CNTNAP2: variants seen among roughly 807,000 people sequenced by gnomAD.
CNTNAP2 encodes contactin associated protein 2.
In CNTNAP2, 98 loss-of-function variants were observed where a neutral mutation model predicts 155.2. That is an observed-to-expected ratio of 0.63 (90% CI 0.54 to 0.75). The LOEUF is 0.75. Ranked by LOEUF, CNTNAP2 falls within the 30% of genes least tolerant of loss-of-function variation. The pLI is 0.00. For synonymous variants in CNTNAP2, 651 were observed against 631.2 expected (o/e 1.03, Z -0.47); for missense variants, 1,727 against 1,688.1 (o/e 1.02, Z -0.40).
intron 13 of CNTNAP2, among the ~76,000 whole-genome samples, chr7:147,712,937 AC>A (rs1054654873): frequency 6.6e-6 from 1 of 152,050 alleles, no homozygotes; most frequent in Non-Finnish European, 1.5e-5. Flanking sequence ...CTCTCTGCCC[AC>A]CCTTTTGACA....
At chr7:146,744,129 G>T (rs548768000) in intron 1 of CNTNAP2, among the ~76,000 whole-genome samples, 9 of 149,684 alleles carry the variant, frequency 6.0e-5, no homozygotes, top group Admixed American at 5.4e-4. Context: ...TTGGGAGGCT[G>T]AGGCAGGAGA....
intron 11 of CNTNAP2, among the ~76,000 whole-genome samples, chr7:147,487,336 A>T (rs1475849743): frequency 6.6e-6 from 1 of 152,190 alleles, no homozygotes; most frequent in Non-Finnish European, 1.5e-5. Context: ...ATGAATAAAG[A>T]ACAAAAATGA....
chr7:147,142,537 T>A (rs1337938373), intron 8 of CNTNAP2, among the ~76,000 whole-genome samples: 1 of 152,136 alleles, frequency 6.6e-6, no homozygotes, highest in Non-Finnish European at 1.5e-5. Flanking sequence ...AAAATTCTCT[T>A]TTTTTGTTGT....
chr7:147,812,846 C>T (rs1798203199), intron 13 of CNTNAP2, among the ~76,000 whole-genome samples: 1 of 152,138 alleles, frequency 6.6e-6, no homozygotes, highest in South Asian at 2.1e-4. Flanking sequence ...CAAATGAGCA[C>T]ATGATGGATC....
chr7:147,588,756 G>A (rs778090615), intron 12 of CNTNAP2, among the ~76,000 whole-genome samples: 1 of 152,116 alleles, frequency 6.6e-6, no homozygotes, highest in Non-Finnish European at 1.5e-5. Flanking sequence ...AGGAATTATG[G>A]TATAGCATCA....
chr7:148,247,807 C>T (rs370924345), intron 20 of CNTNAP2, among the ~76,000 whole-genome samples: 3 of 151,772 alleles, frequency 2.0e-5, no homozygotes, highest in Non-Finnish European at 1.5e-5. Context: ...GTGTGTGCCA[C>T]CACGCCTGGC....
chr7:148,154,980 C>G (rs1805371494), intron 17 of CNTNAP2, among the ~76,000 whole-genome samples: 1 of 151,918 alleles, frequency 6.6e-6, no homozygotes, highest in South Asian at 2.1e-4. Flanking sequence ...GAATTATAAC[C>G]TAGAGAATGT....
At chr7:146,780,352 A>ATT (rs559283085) in intron 2 of CNTNAP2, among the ~76,000 whole-genome samples, 2 of 148,554 alleles carry the variant, frequency 1.3e-5, no homozygotes, top group Non-Finnish European at 3.0e-5. Flanking sequence ...TGCCTGGCTA[A>ATT]TTTTTTTTTT....
intron 15 of CNTNAP2, 120 bp downstream of exon 15, chr7:147,978,109 C>A: frequency 1.5e-6 from 2 of 1,345,628 alleles, no homozygotes; most frequent in Non-Finnish European, 2.1e-6. Context: ...AGAAACATCA[C>A]ACAACCCAAG....
intron 3 of CNTNAP2, among the ~76,000 whole-genome samples, chr7:146,938,708 T>C (rs1796980207): frequency 6.6e-6 from 1 of 152,132 alleles, no homozygotes. Flanking sequence ...TGAAATGTCT[T>C]GCTAATCTTA....
chr7:147,553,519 A>C (rs4726885), intron 11 of CNTNAP2, among the ~76,000 whole-genome samples: 75,792 of 151,936 alleles, frequency 0.5, 19,104 homozygotes, highest in East Asian at 0.61. Context: ...TTGTTTTATA[A>C]TCTTTTATAA....
chr7:146,956,095 C>A (rs551884089), intron 3 of CNTNAP2, among the ~76,000 whole-genome samples: 1 of 151,674 alleles, frequency 6.6e-6, no homozygotes, highest in African/African-American at 2.4e-5. Context: ...TCATTAGATT[C>A]TAGCAGAGGA....
intron 6 of CNTNAP2, chr7:147,122,173 C>CAA (rs200733320): frequency 2.0e-5 from 3 of 147,378 alleles, no homozygotes; most frequent in Non-Finnish European, 3.0e-5. Context: ...AAAACTGCCT[C>CAA]AAAAAAAACA....
chr7:148,241,220 CA>C (rs560567814), intron 20 of CNTNAP2, among the ~76,000 whole-genome samples: 10 of 151,184 alleles, frequency 6.6e-5, no homozygotes, highest in Admixed American at 3.3e-4. Context: ...AATGGAAATA[CA>C]AAAAAAAATC....
chr7:147,050,501 T>C (rs1056041487), intron 4 of CNTNAP2, among the ~76,000 whole-genome samples: 2 of 152,166 alleles, frequency 1.3e-5, no homozygotes, highest in South Asian at 2.1e-4. Context: ...CAAATCGTGA[T>C]GGAAAACTGT....
intron 13 of CNTNAP2, among the ~76,000 whole-genome samples, chr7:147,835,578 G>C (rs1284025666): frequency 1.3e-5 from 2 of 152,174 alleles, no homozygotes; most frequent in African/African-American, 4.8e-5. Context: ...GTGTAATCTA[G>C]TAATAATAAT....
intron 1 of CNTNAP2, among the ~76,000 whole-genome samples, chr7:146,295,362 A>G (rs73459970): frequency 0.013 from 2,052 of 152,238 alleles, 47 homozygotes; most frequent in African/African-American, 0.048. Context: ...CTGCAAAAGC[A>G]TGTATTCAGG....
At chr7:147,077,753 A>T (rs1394416936) in intron 4 of CNTNAP2, among the ~76,000 whole-genome samples, 2 of 152,140 alleles carry the variant, frequency 1.3e-5, no homozygotes, top group African/African-American at 4.8e-5. Flanking sequence ...TACCTATAAA[A>T]TGAGAATAAT....
intron 8 of CNTNAP2, among the ~76,000 whole-genome samples, chr7:147,199,208 C>T (rs534735050): frequency 1.4e-3 from 217 of 152,090 alleles, no homozygotes; most frequent in African/African-American, 4.8e-3. Flanking sequence ...GTAATGCACC[C>T]GCCTTGGCCT....
Sources: allele counts gnomAD v4.1 joint callset (sites outside exome capture counted in the v4.1 genomes callset), GRCh38; gene constraint gnomAD v4.1.1; transcripts MANE v1.5; gene names NCBI Gene and HGNC (gene_info 2026-07-23, HGNC 2026-07-21).